Variants in ZNF517 observed in about 807,000 individuals in gnomAD.
The protein encoded by ZNF517 is zinc finger protein 517.
ZNF517 carries 12 observed loss-of-function variants against 12.1 expected under a neutral mutation model. The observed-to-expected ratio is 0.99, with a 90% CI of 0.63 to 1.61. The LOEUF (loss-of-function observed/expected upper bound fraction) is 1.61. Ranked by LOEUF, ZNF517 falls within the 40% of genes most tolerant of loss-of-function variation. The probability of loss-of-function intolerance (pLI) is 0.00; values close to 1 mark genes in which losing one functional copy is unlikely to be tolerated. For synonymous variants in ZNF517, 388 were observed against 310.2 expected (o/e 1.25, Z -2.63); for missense variants, 781 against 693.2 (o/e 1.13, Z -1.42).
At chr8:144,812,425 CAG>C (rs971401355), downstream of ZNF517, among the ~76,000 whole-genome samples, 6 of 149,152 alleles carry the variant, frequency 4.0e-5, no homozygotes, top group Admixed American at 1.3e-4. Flanking sequence ...AAGGCTGAGA[CAG>C]GGTGGGAGAG....
chr8:144,811,161 A>G (rs1827543744), downstream of ZNF517: 1 of 152,344 alleles, frequency 6.6e-6, no homozygotes. Context: ...TTTGCAAAGC[A>G]TCCAGGATAG....
At chr8:144,804,039 T>G (rs984396475) in intron 3 of ZNF517, 86 bp from the exon 4 acceptor site, 1 of 1,351,862 alleles carries the variant, frequency 7.4e-7, no homozygotes. Context: ...CCAAGCACTC[T>G]GTGCCCTGAT....
At chr8:144,802,768 C>A in intron 1 of ZNF517, 102 bp from the exon 2 acceptor site, 1 of 1,536,660 alleles carries the variant, frequency 6.5e-7, no homozygotes, top group Non-Finnish European at 8.7e-7. Flanking sequence ...TGCCCTAGCA[C>A]TTTACCCTCT....
intron 4 of ZNF517, among the ~76,000 whole-genome samples, chr8:144,806,146 G>T (rs1458568415): frequency 6.6e-6 from 1 of 152,214 alleles, no homozygotes; most frequent in African/African-American, 2.4e-5. Flanking sequence ...TATGGCCCAT[G>T]TGCCAGGGAC....
chr8:144,806,313 G>A (rs1827222511), intron 4 of ZNF517, among the ~76,000 whole-genome samples: 1 of 152,146 alleles, frequency 6.6e-6, no homozygotes. Flanking sequence ...GAGGAGTAAA[G>A]AACATGGCTG....
chr8:144,799,706 C>G (rs553936707), intron 1 of ZNF517, among the ~76,000 whole-genome samples: 1 of 152,106 alleles, frequency 6.6e-6, no homozygotes, highest in South Asian at 2.1e-4. Flanking sequence ...TTTGGGAGGC[C>G]GAGGCGGGCG....
At chr8:144,804,769 C>T (rs927975101) in intron 4 of ZNF517, among the ~76,000 whole-genome samples, 1 of 152,184 alleles carries the variant, frequency 6.6e-6, no homozygotes, top group African/African-American at 2.4e-5. Context: ...ACATGTTCAC[C>T]GGACAGGGGG....
intron 1 of ZNF517, among the ~76,000 whole-genome samples, chr8:144,799,810 G>C (rs1352034301): frequency 2.0e-5 from 3 of 152,018 alleles, no homozygotes; most frequent in Non-Finnish European, 2.9e-5. Flanking sequence ...CGTGGTGGCG[G>C]GCGCCTGTAG....
At chr8:144,810,168 C>T (rs1414603017), downstream of ZNF517, 5 of 698,532 alleles carry the variant, frequency 7.2e-6, no homozygotes, top group Non-Finnish European at 1.3e-5. Flanking sequence ...AGAAGGTGGG[C>T]CAGGAGAGAA....
At chr8:144,799,304 C>G (rs1218317160) in intron 1 of ZNF517, among the ~76,000 whole-genome samples, 1 of 152,202 alleles carries the variant, frequency 6.6e-6, no homozygotes, top group Middle Eastern at 3.2e-3. Flanking sequence ...CCGGCAGCCT[C>G]GCTCCCCGGC....
intron 4 of ZNF517, among the ~76,000 whole-genome samples, chr8:144,806,622 C>G (rs1827235395): frequency 6.6e-6 from 1 of 150,794 alleles, no homozygotes; most frequent in South Asian, 2.1e-4. Context: ...GTAGCTGGGA[C>G]TACAGGCGCT....
downstream of ZNF517, among the ~76,000 whole-genome samples, chr8:144,811,394 G>A (rs1301143803): frequency 2.0e-5 from 3 of 152,032 alleles, no homozygotes; most frequent in East Asian, 1.9e-4. Flanking sequence ...GAGAGACACC[G>A]ACAGTAAAGC....
chr8:144,800,318 A>G (rs1826894799), intron 1 of ZNF517, among the ~76,000 whole-genome samples: 1 of 151,894 alleles, frequency 6.6e-6, no homozygotes, highest in South Asian at 2.1e-4. Flanking sequence ...TTGAAGGTTT[A>G]CTTCCTAATT....
intron 4 of ZNF517, among the ~76,000 whole-genome samples, chr8:144,805,575 C>A (rs369648842): frequency 1.3e-5 from 2 of 151,270 alleles, no homozygotes; most frequent in East Asian, 3.9e-4. Flanking sequence ...TGTGATCCAC[C>A]GCCTCGGCCT....
rs185760507 is a variant in ZNF517, at chr8:144,801,043, G to A, written c.-45-1827G>A. On this transcript the variant is annotated intron_variant, in intron 1 of 4. Coordinates refer to ENST00000359971, the MANE Select transcript of ZNF517 (RefSeq NM_213605.3). The stretch of plus-strand genomic sequence containing the variant: ...AGGGTTTCACCATGTTGGCCAGGCT[G>A]GTCACGAACTCCTGACTTCAAATGA... Among the ~76,000 whole-genome samples, 18 of 152,258 alleles carry A rather than the reference G, an allele frequency of 1.2e-4. No individual in the cohort carries two copies. The East Asian group carries it at 2.7e-3, about 23-fold the overall frequency.
intron 2 of ZNF517, 196 bp from the exon 3 acceptor site, chr8:144,803,445 C>G (rs1586761388): frequency 1.5e-6 from 1 of 666,412 alleles, no homozygotes; most frequent in East Asian, 2.9e-5. Flanking sequence ...GTTTTTCCCT[C>G]TTCCTCTCTG....
At position 144,809,193 on chromosome 8, in the gene ZNF517, CTA is replaced by C. The variant is rs1827456710; in HGVS notation, c.*800_*801del. On this transcript the variant is annotated 3_prime_UTR_variant, in exon 5 of 5. Coordinates refer to ENST00000359971, the MANE Select transcript of ZNF517 (RefSeq NM_213605.3). ...GGTGGAGCTCTATCTATCTATCTAT[CTA>C]TCTATCTCTTTTTTTGAGGCAGGAT... 1 of 151,976 alleles carries C rather than the reference CTA, an allele frequency of 6.6e-6. No individual in the cohort carries two copies. The highest frequency in any genetic ancestry group is 1.9e-4 in the East Asian group (1 of 5,154). The allele number at this position is 151,976 out of a possible 1,614,324, so 9.4% of individuals were successfully genotyped here.
chr8:144,808,599 A>G lies in ZNF517; in HGVS notation c.*204A>G, dbSNP rs575508995. 57 of 634,034 alleles carry G rather than the reference A, an allele frequency of 9.0e-5. No individual in the cohort carries two copies. In the African/African-American group the frequency reaches 1.1e-3, roughly 12 times the overall value. 39.3% of individuals were successfully genotyped at this position (634,034 alleles called of 1,614,324 possible). A position where few individuals can be genotyped will look rare whatever the true frequency, so the allele number is the denominator to read the frequency against. ...GGCAGCCCGTGGTGTGGCCTCAGGA[A>G]CCACTATCAGCCACCATTTCCTGGG... is the stretch of plus-strand genomic sequence containing the variant. On this transcript the variant is annotated 3_prime_UTR_variant, in exon 5 of 5. Transcript: ENST00000359971.
At position 144,802,935 on chromosome 8, in the gene ZNF517, GC is replaced by G; in HGVS notation, c.23del (p.Pro8LeufsTer19). On this transcript the variant is annotated frameshift_variant, in exon 2 of 5. Transcript: ENST00000359971. LOFTEE classifies it high-confidence loss of function. Reference protein sequence around the residue: MAMALPMPGPQEAVVFED... With the variant: MAMALPMXGPQEAVVFED... The stretch of plus-strand genomic sequence containing the variant: ...CTGGAATGGCGATGGCACTCCCGAT[GC>G]CTGGACCTCAGGTGAGCACCCCCTG... The G allele has an allele frequency of 6.2e-7, 1 of 1,613,926 alleles. No homozygotes were observed. Among genetic ancestry groups the G allele is most frequent in the Non-Finnish European group, 8.5e-7 (1 of 1,179,908 alleles).
Sources: gnomAD v4.1 joint callset for allele counts (sites outside exome capture counted in the v4.1 genomes callset) on GRCh38, gnomAD v4.1.1 for gene constraint, MANE v1.5 for transcripts, NCBI Gene and HGNC (gene_info 2026-07-23, HGNC 2026-07-21) for gene names.